Variants in MYO5A observed in about 807,000 individuals in gnomAD.
MYO5A encodes myosin VA, also known as unconventional myosin-Va.
A neutral mutation model predicts 249.7 loss-of-function variants in MYO5A; 98 were observed. The ratio of observed to expected loss-of-function variants is 0.39; its 90% confidence interval spans 0.33 to 0.46. MYO5A has a LOEUF of 0.46. Ranked by LOEUF, MYO5A falls within the 20% of genes least tolerant of loss-of-function variation. The pLI is 0.98. For missense variants in MYO5A, 1,696 were observed against 2,308.8 expected (o/e 0.73, Z 5.44); for synonymous variants, 778 against 810.6 (o/e 0.96, Z 0.68).
chr15:52,398,270 T>C (rs566677758), intron 9 of MYO5A, among the ~76,000 whole-genome samples: 7 of 152,370 alleles, frequency 4.6e-5, no homozygotes, highest in East Asian at 1.9e-4. Flanking sequence ...TACATATCCC[T>C]GTACCCCCTA....
intron 1 of MYO5A, among the ~76,000 whole-genome samples, chr15:52,440,581 T>A (rs879621705): frequency 2.0e-5 from 3 of 152,186 alleles, no homozygotes; most frequent in Non-Finnish European, 4.4e-5. Context: ...CAGTCATCTT[T>A]CTTTTGGTAT....
At chr15:52,504,579 G>T (rs1451728686) in intron 1 of MYO5A, among the ~76,000 whole-genome samples, 1 of 152,144 alleles carries the variant, frequency 6.6e-6, no homozygotes, top group Non-Finnish European at 1.5e-5. Flanking sequence ...TCTTACATTA[G>T]GAATGCTTTC....
At chr15:52,344,081 C>A (rs1377273428) in intron 30 of MYO5A, among the ~76,000 whole-genome samples, 1 of 152,148 alleles carries the variant, frequency 6.6e-6, no homozygotes, top group Non-Finnish European at 1.5e-5. Flanking sequence ...AGCACTGACT[C>A]TGGAGTCCAG....
chr15:52,481,985 A>G (rs2076723933), intron 1 of MYO5A, among the ~76,000 whole-genome samples: 1 of 152,250 alleles, frequency 6.6e-6, no homozygotes, highest in East Asian at 1.9e-4. Flanking sequence ...TTATAAGAAC[A>G]TGATTCAGTC....
At chr15:52,343,599 A>C (rs1001546257) in intron 30 of MYO5A, among the ~76,000 whole-genome samples, 1 of 152,234 alleles carries the variant, frequency 6.6e-6, no homozygotes, top group African/African-American at 2.4e-5. Flanking sequence ...GGCAAACTTC[A>C]TAATATTTTT....
intron 1 of MYO5A, among the ~76,000 whole-genome samples, chr15:52,527,312 T>A (rs533960575): frequency 2.0e-5 from 3 of 152,224 alleles, no homozygotes; most frequent in Non-Finnish European, 2.9e-5. Context: ...ACCTGGCACA[T>A]AGCAAGCACC....
At chr15:52,449,440 C>T (rs1372736154) in intron 1 of MYO5A, among the ~76,000 whole-genome samples, 2 of 152,132 alleles carry the variant, frequency 1.3e-5, no homozygotes, top group Non-Finnish European at 2.9e-5. Context: ...TCTATCTCTA[C>T]TCAAATTGCC....
intron 32 of MYO5A, among the ~76,000 whole-genome samples, chr15:52,338,721 T>C (rs2039240308): frequency 6.6e-6 from 1 of 152,224 alleles, no homozygotes; most frequent in Non-Finnish European, 1.5e-5. Flanking sequence ...TTAGTCTATT[T>C]TTTGTATTAG....
intron 1 of MYO5A, among the ~76,000 whole-genome samples, chr15:52,456,567 T>C (rs2076123729): frequency 6.6e-6 from 1 of 151,028 alleles, no homozygotes; most frequent in African/African-American, 2.4e-5. Flanking sequence ...CTTCAAAATA[T>C]ACTATAAAGT....
At chr15:52,404,705 G>A (rs566590824) in intron 9 of MYO5A, among the ~76,000 whole-genome samples, 16 of 152,204 alleles carry the variant, frequency 1.1e-4, no homozygotes, top group African/African-American at 3.9e-4. Context: ...AGCTGGCTAG[G>A]GAAGAAGAGC....
intron 15 of MYO5A, among the ~76,000 whole-genome samples, chr15:52,383,469 T>G (rs2041843844): frequency 6.6e-6 from 1 of 152,230 alleles, no homozygotes; most frequent in South Asian, 2.1e-4. Flanking sequence ...TGTTATGAGC[T>G]TAGTCATATG....
intron 3 of MYO5A, among the ~76,000 whole-genome samples, chr15:52,427,796 AG>A: frequency 6.6e-6 from 1 of 152,236 alleles, no homozygotes; most frequent in Middle Eastern, 3.4e-3. Flanking sequence ...AGAAAATAAA[AG>A]ATAAGAACAA....
At chr15:52,368,248 T>A (rs1157437983) in intron 22 of MYO5A, among the ~76,000 whole-genome samples, 1 of 152,124 alleles carries the variant, frequency 6.6e-6, no homozygotes, top group Non-Finnish European at 1.5e-5. Context: ...AGGTATCCCT[T>A]CCGAGGGCTC....
intron 11 of MYO5A, among the ~76,000 whole-genome samples, chr15:52,392,828 G>A (rs1032888130): frequency 1.3e-5 from 2 of 152,196 alleles, no homozygotes; most frequent in Non-Finnish European, 2.9e-5. Context: ...TGGAAGAAGC[G>A]GACAGAAACC....
At chr15:52,454,506 A>C (rs1431844915) in intron 1 of MYO5A, among the ~76,000 whole-genome samples, 1 of 152,136 alleles carries the variant, frequency 6.6e-6, no homozygotes, top group East Asian at 1.9e-4. Context: ...ACAGGCAAAC[A>C]GGCCTAACAT....
chr15:52,314,783 A>AT (rs572261427), intron 40 of MYO5A, among the ~76,000 whole-genome samples: 6 of 151,686 alleles, frequency 4.0e-5, no homozygotes, highest in Admixed American at 6.6e-5. Context: ...AAGTTCAATA[A>AT]TTTTTTTTTG....
chr15:52,373,797 C>T (rs2041256014), intron 20 of MYO5A, among the ~76,000 whole-genome samples: 1 of 152,076 alleles, frequency 6.6e-6, no homozygotes, highest in Admixed American at 6.5e-5. Flanking sequence ...TCTTTCCTCC[C>T]TAAAATCTCA....
intron 32 of MYO5A, among the ~76,000 whole-genome samples, chr15:52,339,119 G>A (rs1460815905): frequency 6.6e-6 from 1 of 151,494 alleles, no homozygotes; most frequent in Non-Finnish European, 1.5e-5. Flanking sequence ...CCATGGTGGA[G>A]CCTCATACAG....
intron 14 of MYO5A, among the ~76,000 whole-genome samples, chr15:52,385,194 A>G (rs1031028535): frequency 6.6e-6 from 1 of 152,218 alleles, no homozygotes; most frequent in Non-Finnish European, 1.5e-5. Context: ...CATCCCATAT[A>G]AATAAAACCA....
Sources: allele counts gnomAD v4.1 joint callset (sites outside exome capture counted in the v4.1 genomes callset), GRCh38; gene constraint gnomAD v4.1.1; transcripts MANE v1.5; gene names NCBI Gene and HGNC (gene_info 2026-07-23, HGNC 2026-07-21).